The following PLS3 variants were observed in gnomAD, a reference collection of about 807,000 sequenced individuals.
PLS3 encodes plastin-3.
Under a neutral mutation model 46.5 loss-of-function variants are expected in PLS3, and 11 were observed. That is an observed-to-expected ratio of 0.24 (90% CI 0.15 to 0.39). The LOEUF (loss-of-function observed/expected upper bound fraction) is 0.39. Among genes scored for constraint, PLS3 ranks in the 10% least tolerant of loss-of-function variants. PLS3 has a pLI of 1.00. For synonymous variants in PLS3, 167 were observed against 162.2 expected (o/e 1.03, Z -0.22); for missense variants, 308 against 461.8 (o/e 0.67, Z 3.05).
At chrX:115,637,278 CT>C (rs1462257290) in intron 8 of PLS3, among the ~76,000 whole-genome samples, 14 of 111,790 alleles carry the variant, frequency 1.3e-4, no homozygotes, top group African/African-American at 4.6e-4. Flanking sequence ...CTATTCTTAA[CT>C]GCCTTTCCCA....
chrX:115,618,413 A>AT (rs1329722524), intron 2 of PLS3, among the ~76,000 whole-genome samples: 1 of 110,074 alleles, frequency 9.1e-6, no homozygotes, highest in East Asian at 2.9e-4. Flanking sequence ...CCCTGTCTCT[A>AT]CAAAAAATAC....
chrX:115,640,767 G>A (rs1453760937), intron 9 of PLS3, among the ~76,000 whole-genome samples: 4 of 111,573 alleles, frequency 3.6e-5, no homozygotes, highest in Non-Finnish European at 7.5e-5. Context: ...TAAGTAACTA[G>A]AAGCTAACCT....
Position 115,610,310 on chromosome X carries a change from C to A in PLS3, c.60C>A (p.Ala20=). The A allele has an allele frequency of 8.8e-7, 1 of 1,135,824 alleles. No homozygotes were observed. The highest frequency in any genetic ancestry group is 1.2e-6 in the Non-Finnish European group (1 of 837,520). The allele number at this position is 1,135,824 out of a possible 1,213,427, so 93.6% of individuals were successfully genotyped here. Residue 20 remains alanine (A), a synonymous_variant, in exon 2 of 16, where the codon GCC becomes GCA. Transcript: ENST00000355899. ...ATGAGCTTGATGAACTCAAAGAGGC[C>A]TTTGCAAAAGTTGGTGAGTATTTTT... ...SKDELDELKE[A]FAKVDLNSNG...
At chrX:115,588,217 A>G (rs2074322521) in intron 1 of PLS3, among the ~76,000 whole-genome samples, 1 of 112,386 alleles carries the variant, frequency 8.9e-6, no homozygotes, top group African/African-American at 3.2e-5. Context: ...TTGAAAAACT[A>G]CCACTTCTCT....
intron 1 of PLS3, among the ~76,000 whole-genome samples, chrX:115,584,282 C>T (rs2074295279): frequency 8.9e-6 from 1 of 111,918 alleles, no homozygotes; most frequent in Non-Finnish European, 1.9e-5. Context: ...TTGTTGAGTG[C>T]CTACTGTATG....
intron 1 of PLS3, among the ~76,000 whole-genome samples, chrX:115,571,881 T>C (rs1569525982): frequency 8.9e-6 from 1 of 112,175 alleles, no homozygotes. Flanking sequence ...TTATTTTATC[T>C]AGTGGAAATT....
intron 2 of PLS3, among the ~76,000 whole-genome samples, chrX:115,613,971 T>C (rs2147497302): frequency 8.9e-6 from 1 of 111,977 alleles, no homozygotes; most frequent in East Asian, 2.8e-4. Context: ...TAATTATTTT[T>C]TGTTTATTTA....
chrX:115,613,241 T>C (rs2074563693), intron 2 of PLS3, among the ~76,000 whole-genome samples: 1 of 111,321 alleles, frequency 9.0e-6, no homozygotes, highest in Admixed American at 9.6e-5. Flanking sequence ...GAATAATGGG[T>C]TTCTTAAATG....
intron 5 of PLS3, 88 bp downstream of exon 5, chrX:115,630,055 C>A: frequency 1.6e-6 from 1 of 635,716 alleles, no homozygotes; most frequent in Non-Finnish European, 2.4e-6. Flanking sequence ...TTGACAGGTT[C>A]ACCTCAAGAA....
At chrX:115,608,588 C>G (rs1183993653) in intron 1 of PLS3, among the ~76,000 whole-genome samples, 2 of 111,827 alleles carry the variant, frequency 1.8e-5, no homozygotes, top group African/African-American at 6.5e-5. Flanking sequence ...AATGACTGAT[C>G]GAATGTATGA....
chrX:115,637,714 G>C (rs1031735927), intron 8 of PLS3, among the ~76,000 whole-genome samples: 28 of 111,627 alleles, frequency 2.5e-4, no homozygotes, highest in Non-Finnish European at 2.4e-4. Flanking sequence ...GTGACATCCA[G>C]ATGTTGGTAC....
chrX:115,570,166 A>AC (rs1363953175), intron 1 of PLS3, among the ~76,000 whole-genome samples: 5 of 110,139 alleles, frequency 4.5e-5, no homozygotes, highest in African/African-American at 1.3e-4. Context: ...TGAACTCTTG[A>AC]CCTCGTGATC....
chrX:115,565,885 G>A (rs1410052687), intron 1 of PLS3, among the ~76,000 whole-genome samples: 1 of 112,125 alleles, frequency 8.9e-6, no homozygotes, highest in Non-Finnish European at 1.9e-5. Flanking sequence ...GTTTAGAAAC[G>A]TATTTGATAA....
chrX:115,647,299 G>A (rs899237754), intron 13 of PLS3, among the ~76,000 whole-genome samples: 1 of 110,973 alleles, frequency 9.0e-6, no homozygotes, highest in Non-Finnish European at 1.9e-5. Flanking sequence ...CGGGCGTGGT[G>A]GTGGGCACCT....
chrX:115,573,307 G>C (rs1438910297), intron 1 of PLS3, among the ~76,000 whole-genome samples: 3 of 111,141 alleles, frequency 2.7e-5, no homozygotes, highest in Non-Finnish European at 5.7e-5. Context: ...TACCAAAAAA[G>C]AGCCCACTAT....
In PLS3 at chrX:115,629,851, T is replaced by C; in HGVS notation, c.384T>C (p.Ala128=). Residue 128 remains alanine (A), a synonymous_variant, in exon 5 of 16, where the codon GCT becomes GCC. Coordinates refer to ENST00000355899, the MANE Select transcript of PLS3 (RefSeq NM_005032.7). ...QHSYSEEEKY[A]FVNWINKALE... is the part of the protein sequence containing the mutation. ...TAATTTTAGAGGAAGAAAAATATGC[T>C]TTTGTTAACTGGATAAACAAAGCTT... is the stretch of plus-strand genomic sequence containing the variant. 1 of 1,129,553 alleles carries C rather than the reference T, an allele frequency of 8.9e-7. No individual in the cohort carries two copies. Among genetic ancestry groups the C allele is most frequent in the East Asian group, 3.0e-5 (1 of 33,186 alleles). The allele number at this position is 1,129,553 out of a possible 1,213,427, so 93.1% of individuals were successfully genotyped here.
At chrX:115,644,723 T>G (rs1288904995) in intron 10 of PLS3, among the ~76,000 whole-genome samples, 2 of 111,567 alleles carry the variant, frequency 1.8e-5, no homozygotes, top group Non-Finnish European at 3.8e-5. Flanking sequence ...GGATGCAGAT[T>G]CGAGGAAATA....
intron 2 of PLS3, among the ~76,000 whole-genome samples, chrX:115,621,682 C>A (rs115496102): frequency 0.038 from 4,216 of 111,524 alleles, 198 homozygotes; most frequent in African/African-American, 0.13. Flanking sequence ...TAAATATCTG[C>A]TTTCCTCAGT....
rs782061135 is a variant in PLS3 at position 115,635,329 on chromosome X, T to A, written c.748+283T>A. On this transcript the variant is annotated intron_variant, in intron 7 of 15. Transcript: ENST00000355899. ...AAGTCCTCAAACTTGATTATCTATTTTTTTCTGTTCTGCCTACACAACTTC... is the reference window on the plus strand; with the variant it reads ...AAGTCCTCAAACTTGATTATCTATTATTTTCTGTTCTGCCTACACAACTTC... Among the ~76,000 whole-genome samples, 454 of 110,622 alleles carry A rather than the reference T, an allele frequency of 4.1e-3. 7 individuals carry two copies. The highest frequency in any genetic ancestry group is 0.015 in the African/African-American group (445 of 30,488).
Sources: gnomAD v4.1 joint callset for allele counts (sites outside exome capture counted in the v4.1 genomes callset) on GRCh38, gnomAD v4.1.1 for gene constraint, MANE v1.5 for transcripts, NCBI Gene and HGNC (gene_info 2026-07-23, HGNC 2026-07-21) for gene names.